NTM: variants seen among roughly 807,000 people sequenced by gnomAD.
The protein encoded by NTM is neurotrimin.
A neutral mutation model predicts 42.1 loss-of-function variants in NTM; 13 were observed. The ratio of observed to expected loss-of-function variants is 0.31; its 90% CI spans 0.20 to 0.49. The LOEUF (loss-of-function observed/expected upper bound fraction) is 0.49, where lower values mean the gene tolerates loss of function less well. NTM is among the 20% of genes least tolerant of loss of function. NTM has a pLI of 0.99. For missense variants in NTM, 373 were observed against 452.8 expected, an observed-to-expected ratio of 0.82 and a Z score of 1.60; for synonymous variants, 187 against 179.2, an observed-to-expected ratio of 1.04 and a Z score of -0.35.
At chr11:131,744,350 T>A (rs1335458947) in intron 1 of NTM, among the ~76,000 whole-genome samples, 1 of 152,232 alleles carries the variant, frequency 6.6e-6, no homozygotes, top group Non-Finnish European at 1.5e-5. Context: ...TGCAAATACA[T>A]GTTTTTCCCA....
intron 1 of NTM, among the ~76,000 whole-genome samples, chr11:131,815,322 TCTG>T (rs2092907808): frequency 6.6e-6 from 1 of 152,124 alleles, no homozygotes; most frequent in Non-Finnish European, 1.5e-5. Context: ...GCCTCAGCTC[TCTG>T]CCCTCTTGTA....
intron 1 of NTM, among the ~76,000 whole-genome samples, chr11:131,379,993 G>A (rs957420823): frequency 2.0e-5 from 3 of 152,112 alleles, no homozygotes; most frequent in Non-Finnish European, 2.9e-5. Context: ...GCCAAGGCAT[G>A]TGAAATCCTA....
At chr11:131,402,120 T>C (rs577675610) in intron 1 of NTM, among the ~76,000 whole-genome samples, 2 of 151,664 alleles carry the variant, frequency 1.3e-5, no homozygotes, top group East Asian at 3.9e-4. Context: ...CATTGACCTA[T>C]ATGGGTGGGA....
At chr11:132,114,596 A>G (rs977077496) in intron 2 of NTM, among the ~76,000 whole-genome samples, 3 of 152,074 alleles carry the variant, frequency 2.0e-5, no homozygotes, top group African/African-American at 7.2e-5. Context: ...TTTGCAGATA[A>G]CTCACTCATG....
chr11:131,794,575 G>A (rs1366016234), intron 1 of NTM: 5 of 985,212 alleles, frequency 5.1e-6, no homozygotes, highest in Non-Finnish European at 6.0e-6. Context: ...ACAAGTGCTT[G>A]AATAAGAAAT....
At chr11:132,320,955 A>G (rs969917336) in intron 7 of NTM, among the ~76,000 whole-genome samples, 1 of 151,190 alleles carries the variant, frequency 6.6e-6, no homozygotes, top group Admixed American at 6.6e-5. Flanking sequence ...ACAGACCTGC[A>G]GCTGAGGGTC....
chr11:131,760,754 C>A (rs972425030), intron 1 of NTM, among the ~76,000 whole-genome samples: 1 of 152,120 alleles, frequency 6.6e-6, no homozygotes, highest in African/African-American at 2.4e-5. Context: ...TGAAGTGAGA[C>A]GAGGAGGAGC....
At chr11:132,240,599 T>A (rs1165145504) in intron 4 of NTM, among the ~76,000 whole-genome samples, 4 of 152,266 alleles carry the variant, frequency 2.6e-5, no homozygotes, top group African/African-American at 9.6e-5. Flanking sequence ...AGAGAGCAGC[T>A]GTTCGCTGGA....
intron 1 of NTM, among the ~76,000 whole-genome samples, chr11:131,494,573 T>C (rs1465499999): frequency 6.6e-6 from 1 of 152,182 alleles, no homozygotes; most frequent in East Asian, 1.9e-4. Flanking sequence ...ACTGGGACAG[T>C]CTGGGGCAAA....
chr11:131,724,039 A>G (rs2078675186), intron 1 of NTM, among the ~76,000 whole-genome samples: 2 of 152,204 alleles, frequency 1.3e-5, no homozygotes, highest in African/African-American at 4.8e-5. Context: ...CATCTTTTTA[A>G]AAAGAGGTTA....
intron 3 of NTM, among the ~76,000 whole-genome samples, chr11:132,188,922 A>G (rs2078865684): frequency 6.6e-6 from 1 of 152,220 alleles, no homozygotes; most frequent in Non-Finnish European, 1.5e-5. Context: ...TTGACTCTAG[A>G]AATGCGCACA....
chr11:131,929,187 GT>G (rs746339426), intron 2 of NTM, among the ~76,000 whole-genome samples: 1 of 152,256 alleles, frequency 6.6e-6, no homozygotes, highest in Non-Finnish European at 1.5e-5. Flanking sequence ...AGACTCCCTG[GT>G]TAGGGGAAGG....
chr11:131,947,518 G>A lies in NTM; in HGVS notation c.167+35870G>A, dbSNP rs548225417. On this transcript the variant is annotated intron_variant, in intron 2 of 8. Transcript: ENST00000683400. ...ACATAGAAACACTCAGAAAGTGGTTGGTGTAAGAAGGAAGAAAGGAAGGCA... is the reference window on the plus strand; with the variant it reads ...ACATAGAAACACTCAGAAAGTGGTTAGTGTAAGAAGGAAGAAAGGAAGGCA... Among the ~76,000 whole-genome samples the A allele has an allele frequency of 3.3e-4, 50 of 152,276 alleles. No homozygotes were observed. The South Asian group carries it at 0.01, about 31-fold the overall frequency.
At chr11:131,504,810 C>A (rs71483672) in intron 1 of NTM, among the ~76,000 whole-genome samples, 4 of 152,154 alleles carry the variant, frequency 2.6e-5, no homozygotes, top group African/African-American at 9.7e-5. Flanking sequence ...CGTCCACCCC[C>A]TCCACTCCTC....
chr11:131,820,557 G>A (rs1406600569), intron 1 of NTM, among the ~76,000 whole-genome samples: 3 of 152,062 alleles, frequency 2.0e-5, no homozygotes, highest in Non-Finnish European at 2.9e-5. Flanking sequence ...TTTAAATGGG[G>A]CCAAGGCCAC....
At chr11:131,747,424 G>A (rs1191354888) in intron 1 of NTM, among the ~76,000 whole-genome samples, 1 of 152,056 alleles carries the variant, frequency 6.6e-6, no homozygotes, top group Non-Finnish European at 1.5e-5. Context: ...TCTCCCATCA[G>A]CCTTTTGCTT....
chr11:132,001,153 G>T (rs549434275), intron 2 of NTM, among the ~76,000 whole-genome samples: 58 of 152,278 alleles, frequency 3.8e-4, no homozygotes, highest in African/African-American at 1.3e-3. Flanking sequence ...AAAAAAAGCG[G>T]CATTGTATGA....
Position 131,598,754 on chromosome 11 carries a change from TC to T in NTM, c.82+227867del, listed in dbSNP as rs1565685606. On this transcript the variant is annotated intron_variant, in intron 1 of 8. Coordinates refer to ENST00000683400, the MANE Select transcript of NTM (RefSeq NM_001352005.2). ...TTCTTTCTTTCTTTCTTTCTTTCTTTCTTCTTTCTTTTTTTCTTTCTTTCTT... is the reference window on the plus strand; with the variant it reads ...TTCTTTCTTTCTTTCTTTCTTTCTTTTTCTTTCTTTTTTTCTTTCTTTCTT... 8.2e-3 allele frequency among the ~76,000 whole-genome samples: 440 copies of T among 53,836 alleles called. 12 individuals carry two copies. Among genetic ancestry groups the T allele is most frequent in the African/African-American group, 0.027 (419 of 15,370 alleles). 35.3% of individuals were successfully genotyped at this position (53,836 alleles called of 152,430 possible).
intron 1 of NTM, among the ~76,000 whole-genome samples, chr11:131,443,100 C>A (rs544727968): frequency 6.6e-6 from 1 of 152,136 alleles, no homozygotes; most frequent in East Asian, 1.9e-4. Context: ...TTTCCATCTC[C>A]GTCTTCAGAA....
Sources: allele counts gnomAD v4.1 joint callset (sites outside exome capture counted in the v4.1 genomes callset), GRCh38; gene constraint gnomAD v4.1.1; transcripts MANE v1.5; gene names NCBI Gene and HGNC (gene_info 2026-07-23, HGNC 2026-07-21).